GCNT1: variants seen among roughly 807,000 people sequenced by gnomAD.
GCNT1 encodes the protein beta-1,3-galactosyl-O-glycosyl-glycoprotein beta-1,6-N-acetylglucosaminyltransferase.
A neutral mutation model predicts 26.2 loss-of-function variants in GCNT1; 16 were observed. The observed-to-expected ratio is 0.61, with a 90% CI of 0.41 to 0.93. The LOEUF is 0.93. Among genes scored for constraint, GCNT1 ranks in the 40% least tolerant of loss-of-function variants. The probability of loss-of-function intolerance (pLI) is 0.00; values close to 1 mark genes in which losing one functional copy is unlikely to be tolerated. For synonymous variants in GCNT1, 183 were observed against 190.8 expected (o/e 0.96, Z 0.34); for missense variants, 477 against 526.7 (o/e 0.91, Z 0.92).
chr9:76,443,916 AG>A (rs1247725302), intron 1 of GCNT1, among the ~76,000 whole-genome samples: 3 of 67,638 alleles, frequency 4.4e-5, no homozygotes, highest in African/African-American at 1.8e-4. Context: ...AAAGGAAGAA[AG>A]GAAGAAAGGA....
chr9:76,438,355 A>G (rs888952016), upstream of GCNT1, among the ~76,000 whole-genome samples: 4 of 152,222 alleles, frequency 2.6e-5, no homozygotes, highest in Non-Finnish European at 5.9e-5. Flanking sequence ...ATCAGTAGAA[A>G]GGAGACACGA....
At chr9:76,495,268 T>A (rs1206916899) in intron 2 of GCNT1, among the ~76,000 whole-genome samples, 1 of 152,102 alleles carries the variant, frequency 6.6e-6, no homozygotes, top group African/African-American at 2.4e-5. Flanking sequence ...AAAGATGGTG[T>A]GTCCAGAGTT....
chr9:76,397,685 C>T, the GCNT1 span, among the ~76,000 whole-genome samples: 1 of 152,122 alleles, frequency 6.6e-6, no homozygotes, highest in African/African-American at 2.4e-5. Flanking sequence ...TTCAAGTGAT[C>T]CACCTTCCTC....
chr9:76,504,594 GA>G lies in GCNT1; in HGVS notation c.*927del, dbSNP rs1354624814. ...ACAGGTTTGAGGGGCTGGGGAGTGG[GA>G]GGGGGGAGAAAAGGAATGTATTTAA... On this transcript the variant is annotated 3_prime_UTR_variant, in exon 4 of 4. Transcript: ENST00000376730. 2.7e-5 allele frequency: 11 copies of G among 409,400 alleles called. No individual in the cohort carries two copies. In the Admixed American group the frequency reaches 3.1e-4, roughly 12 times the overall value. The allele number at this position is 409,400 out of a possible 1,614,324, so 25.4% of individuals were successfully genotyped here.
intron 2 of GCNT1, among the ~76,000 whole-genome samples, chr9:76,475,231 A>G (rs919665778): frequency 3.3e-5 from 5 of 152,218 alleles, no homozygotes; most frequent in Non-Finnish European, 5.9e-5. Context: ...GATGATGTGG[A>G]AATGGAGAAT....
At chr9:76,462,502 T>C (rs1823894657) in intron 2 of GCNT1, among the ~76,000 whole-genome samples, 2 of 152,366 alleles carry the variant, frequency 1.3e-5, no homozygotes, top group African/African-American at 4.8e-5. Context: ...ATCTCTGGCC[T>C]CTACCTACTA....
At chr9:76,447,968 G>A (rs899324716) in intron 1 of GCNT1, among the ~76,000 whole-genome samples, 2 of 152,192 alleles carry the variant, frequency 1.3e-5, no homozygotes, top group Non-Finnish European at 2.9e-5. Flanking sequence ...GCATGGCTGT[G>A]CCAGCCGTCT....
chr9:76,474,591 CA>C (rs2131608139), intron 2 of GCNT1, among the ~76,000 whole-genome samples: 1 of 152,136 alleles, frequency 6.6e-6, no homozygotes, highest in African/African-American at 2.4e-5. Context: ...TACATCTGAG[CA>C]AAAATATAAG....
At chr9:76,477,492 C>T (rs1824280580) in intron 2 of GCNT1, among the ~76,000 whole-genome samples, 1 of 149,984 alleles carries the variant, frequency 6.7e-6, no homozygotes, top group Admixed American at 6.7e-5. Flanking sequence ...TGCCACTGCA[C>T]TCTAGCCTGG....
At chr9:76,494,668 G>A (rs1267996046) in intron 2 of GCNT1, among the ~76,000 whole-genome samples, 1 of 152,198 alleles carries the variant, frequency 6.6e-6, no homozygotes, top group Non-Finnish European at 1.5e-5. Context: ...AACTAGAAAA[G>A]CACCAGAGAC....
chr9:76,506,255 G>T lies in GCNT1; in HGVS notation c.*2587G>T, dbSNP rs571101241. 3.6e-5 allele frequency: 6 copies of T among 166,962 alleles called. No homozygotes were observed. Among genetic ancestry groups the T allele is most frequent in the African/African-American group, 1.4e-4 (6 of 41,544 alleles). 10.3% of individuals were successfully genotyped at this position (166,962 alleles called of 1,614,324 possible). On this transcript the variant is annotated 3_prime_UTR_variant, in exon 4 of 4. Coordinates refer to ENST00000376730, the MANE Select transcript of GCNT1 (RefSeq NM_001490.5). ...ACTGTCATTGAAGGTGTTTTATAGA[G>T]AAATCTGAGAAATCACATTCACAAA...
intron 1 of GCNT1, among the ~76,000 whole-genome samples, chr9:76,436,339 A>G (rs545226823): frequency 2.6e-5 from 4 of 151,882 alleles, no homozygotes; most frequent in African/African-American, 9.7e-5. Context: ...GAAAGTCACA[A>G]TGCCTTGGGA....
the GCNT1 span, among the ~76,000 whole-genome samples, chr9:76,408,405 T>C: frequency 6.6e-6 from 1 of 152,204 alleles, no homozygotes; most frequent in Admixed American, 6.5e-5. Context: ...GTTGAAATGA[T>C]GAATTATTAA....
chr9:76,437,008 AATG>A (rs1418344697), upstream of GCNT1, among the ~76,000 whole-genome samples: 1 of 152,110 alleles, frequency 6.6e-6, no homozygotes, highest in Non-Finnish European at 1.5e-5. Context: ...ACCTAATGTA[AATG>A]ATAAGTTAAC....
chr9:76,475,832 G>C (rs1265319127), intron 2 of GCNT1, among the ~76,000 whole-genome samples: 1 of 152,092 alleles, frequency 6.6e-6, no homozygotes, highest in African/African-American at 2.4e-5. Flanking sequence ...AGGAAACTAA[G>C]GCTCAGAGAG....
chr9:76,428,292 T>TAAA (rs1279001629), intron 1 of GCNT1, among the ~76,000 whole-genome samples: 2 of 85,894 alleles, frequency 2.3e-5, no homozygotes, highest in Non-Finnish European at 5.2e-5. Context: ...AAAAAAAACT[T>TAAA]AAAAAAAAAA....
chr9:76,497,137 T>C (rs973081646), intron 2 of GCNT1, among the ~76,000 whole-genome samples: 4 of 152,196 alleles, frequency 2.6e-5, no homozygotes, highest in African/African-American at 9.7e-5. Flanking sequence ...GAGTGAAATA[T>C]AAAGGTGAAG....
chr9:76,414,259 T>C, the GCNT1 span, among the ~76,000 whole-genome samples: 1 of 152,194 alleles, frequency 6.6e-6, no homozygotes, highest in Non-Finnish European at 1.5e-5. Context: ...TAGTGTGCCT[T>C]GTCATTTTTT....
chr9:76,487,451 G>A lies in GCNT1; in HGVS notation c.-289-13465G>A, dbSNP rs549255831. 4.1e-4 allele frequency among the ~76,000 whole-genome samples: 63 copies of A among 152,336 alleles called. 1 individual carries two copies. Among genetic ancestry groups the A allele is most frequent in the Admixed American group, 6.5e-4 (10 of 15,308 alleles). ...AACTTAGACCATGCTTCCTGCTGCC[G>A]AAGGGCAATAGGTTGGTGACCCAGG... On this transcript the variant is annotated intron_variant, in intron 2 of 3. Transcript: ENST00000376730.
Sources: allele counts gnomAD v4.1 joint callset (sites outside exome capture counted in the v4.1 genomes callset), GRCh38; gene constraint gnomAD v4.1.1; transcripts MANE v1.5; gene names NCBI Gene and HGNC (gene_info 2026-07-23, HGNC 2026-07-21).